STK3: variants seen among roughly 807,000 people sequenced by gnomAD.
STK3 encodes serine/threonine-protein kinase 3.
In STK3, 41 loss-of-function variants were observed where a neutral mutation model predicts 58.0. That is an observed-to-expected ratio of 0.71 (90% CI 0.55 to 0.92). The LOEUF (loss-of-function observed/expected upper bound fraction) is 0.92, where lower values mean the gene tolerates loss of function less well. Among genes scored for constraint, STK3 ranks in the 40% least tolerant of loss-of-function variants. The pLI is 0.00. For synonymous variants in STK3, 170 were observed against 191.0 expected (o/e 0.89, Z 0.91); for missense variants, 479 against 602.7 (o/e 0.79, Z 2.15).
intron 10 of STK3, among the ~76,000 whole-genome samples, chr8:98,497,561 T>C (rs1420298604): frequency 6.6e-6 from 1 of 152,170 alleles, no homozygotes; most frequent in Non-Finnish European, 1.5e-5. Context: ...AAGGAACTTG[T>C]ATGTAGAGTA....
downstream of STK3, chr8:98,878,895 CTTT>C (rs67515050): frequency 1.8e-5 from 2 of 108,630 alleles, no homozygotes; most frequent in Non-Finnish European, 3.7e-5. Context: ...TTTCTTTTTT[CTTT>C]TTTTTTTTTT....
At chr8:98,583,290 G>A (rs1003136104) in intron 7 of STK3, among the ~76,000 whole-genome samples, 2 of 152,024 alleles carry the variant, frequency 1.3e-5, no homozygotes, top group African/African-American at 4.8e-5. Flanking sequence ...TAGAATCATG[G>A]GAGCGAGGGC....
chr8:98,852,559 A>G (rs1836514742), intron 3 of STK3, among the ~76,000 whole-genome samples: 1 of 152,264 alleles, frequency 6.6e-6, no homozygotes, highest in Non-Finnish European at 1.5e-5. Flanking sequence ...TCAAGGACAT[A>G]GTTGACAATT....
intron 6 of STK3, among the ~76,000 whole-genome samples, chr8:98,656,347 T>TG (rs1261656877): frequency 7.0e-6 from 1 of 142,736 alleles, no homozygotes; most frequent in African/African-American, 2.7e-5. Context: ...GGGTGGGAGG[T>TG]GGGGGGAGGG....
chr8:98,530,204 T>G (rs190682198), intron 9 of STK3, among the ~76,000 whole-genome samples: 2 of 152,184 alleles, frequency 1.3e-5, no homozygotes, highest in Admixed American at 1.3e-4. Context: ...TGTGCAGATT[T>G]GTTACATAGG....
intron 6 of STK3, chr8:98,651,412 G>C (rs1241965995): frequency 6.6e-6 from 1 of 152,258 alleles, no homozygotes; most frequent in Admixed American, 6.5e-5. Flanking sequence ...AGAAAAACTG[G>C]AAACTCTAAA....
intron 9 of STK3, among the ~76,000 whole-genome samples, chr8:98,539,907 C>G (rs769888657): frequency 1.3e-4 from 20 of 152,178 alleles, no homozygotes; most frequent in Non-Finnish European, 2.6e-4. Flanking sequence ...GTGCATGCCA[C>G]CATGCCCAGC....
chr8:98,656,035 C>T (rs1360104255), intron 6 of STK3, among the ~76,000 whole-genome samples: 6 of 139,822 alleles, frequency 4.3e-5, no homozygotes, highest in African/African-American at 1.2e-4. Flanking sequence ...CACATGCACA[C>T]GTATGTTTAT....
At chr8:98,422,113 T>C (rs1302943097) in intron 3 of STK3, among the ~76,000 whole-genome samples, 1 of 151,920 alleles carries the variant, frequency 6.6e-6, no homozygotes, top group Middle Eastern at 3.4e-3. Context: ...AATGGGGGAG[T>C]GGCCTCTGCA....
At chr8:98,538,718 T>C (rs995509008) in intron 9 of STK3, among the ~76,000 whole-genome samples, 1 of 152,198 alleles carries the variant, frequency 6.6e-6, no homozygotes, top group African/African-American at 2.4e-5. Flanking sequence ...GGAAGACTAA[T>C]ATTTACATCC....
intron 10 of STK3, among the ~76,000 whole-genome samples, chr8:98,497,116 A>G (rs1823198954): frequency 6.6e-6 from 1 of 152,146 alleles, no homozygotes; most frequent in South Asian, 2.1e-4. Context: ...AGATCAGTGG[A>G]ACACAATTGA....
chr8:98,516,147 T>C (rs1824917113), intron 10 of STK3, among the ~76,000 whole-genome samples: 1 of 152,064 alleles, frequency 6.6e-6, no homozygotes, highest in Non-Finnish European at 1.5e-5. Context: ...TAAAACAGCC[T>C]CCTATCATGA....
At position 98,749,387 on chromosome 8, in the gene STK3, TG is replaced by T; in HGVS notation, c.239del (p.Pro80HisfsTer4). On this transcript the variant is annotated frameshift_variant and splice_region_variant, in exon 4 of 11. Transcript: ENST00000419617. LOFTEE classifies it high-confidence loss of function. ...EISIMQQCDS[P>X]YVVKYYGSYF... ...AACTGCCATAGTACTTTACAACATA[TG>T]GGCTAAAGGAAAATACATAAACAAT... 1 of 1,531,170 alleles carries T rather than the reference TG, an allele frequency of 6.5e-7. No individual in the cohort carries two copies. 94.8% of individuals were successfully genotyped at this position (1,531,170 alleles called of 1,614,324 possible).
intron 3 of STK3, among the ~76,000 whole-genome samples, chr8:98,857,114 G>A (rs1202379719): frequency 6.6e-6 from 1 of 152,208 alleles, no homozygotes; most frequent in Non-Finnish European, 1.5e-5. Flanking sequence ...TTCTCGAGAT[G>A]ATGAACATGT....
chr8:98,628,819 C>CAAAA (rs10571679), intron 6 of STK3, among the ~76,000 whole-genome samples: 1 of 64,108 alleles, frequency 1.6e-5, no homozygotes, highest in East Asian at 4.1e-4. Flanking sequence ...CTCCACACTC[C>CAAAA]AAAAAAAAAA....
chr8:98,715,480 C>G (rs1826923611), intron 4 of STK3, among the ~76,000 whole-genome samples: 1 of 151,770 alleles, frequency 6.6e-6, no homozygotes, highest in Non-Finnish European at 1.5e-5. Flanking sequence ...AGGATATGAA[C>G]AGACACTTCT....
At chr8:98,373,237 A>G (rs1237058558) in intron 2 of STK3, among the ~76,000 whole-genome samples, 1 of 152,056 alleles carries the variant, frequency 6.6e-6, no homozygotes, top group Non-Finnish European at 1.5e-5. Flanking sequence ...AGTGCCCTTA[A>G]CATCTCCTTC....
chr8:98,760,136 A>G (rs1200789259), intron 3 of STK3, among the ~76,000 whole-genome samples: 1 of 151,738 alleles, frequency 6.6e-6, no homozygotes, highest in Non-Finnish European at 1.5e-5. Context: ...TAGTTTTGTT[A>G]CATTTTTTAT....
Position 98,597,852 on chromosome 8 carries a change from T to C in STK3, c.685-1683A>G, listed in dbSNP as rs374638055. The C allele has an allele frequency of 8.1e-5, 80 of 981,690 alleles. No homozygotes were observed. The East Asian group carries it at 5.7e-3, about 70-fold the overall frequency. 60.8% of individuals were successfully genotyped at this position (981,690 alleles called of 1,614,324 possible). A position where few individuals can be genotyped will look rare whatever the true frequency, so the allele number is the denominator to read the frequency against. ...AAAAAAAAAACACATATGAAACGAA[T>C]AGCAAACAACTGAGTGCCAGACAAT... On this transcript the variant is annotated intron_variant, in intron 6 of 10. Coordinates refer to ENST00000419617, the MANE Select transcript of STK3 (RefSeq NM_006281.4).
Sources: allele counts gnomAD v4.1 joint callset (sites outside exome capture counted in the v4.1 genomes callset), GRCh38; gene constraint gnomAD v4.1.1; transcripts MANE v1.5; gene names NCBI Gene and HGNC (gene_info 2026-07-23, HGNC 2026-07-21).